RGS11: variants seen among roughly 807,000 people sequenced by gnomAD.
RGS11 encodes regulator of G-protein signaling 11.
A neutral mutation model predicts 71.1 loss-of-function variants in RGS11; 86 were observed. The ratio of observed to expected loss-of-function variants is 1.21; its 90% CI spans 1.02 to 1.45. RGS11 has a LOEUF of 1.45. RGS11 is among the 40% of genes most tolerant of loss of function. The pLI is 0.00. For synonymous variants in RGS11, 298 were observed against 254.2 expected, an observed-to-expected ratio of 1.17 and a Z score of -1.64; for missense variants, 734 against 635.1, an observed-to-expected ratio of 1.16 and a Z score of -1.67.
chr16:273,095 C>T lies in RGS11; in HGVS notation c.589-164G>A, dbSNP rs950545419. Among the ~76,000 whole-genome samples, 27 of 152,122 alleles carry T rather than the reference C, an allele frequency of 1.8e-4. 1 individual carries two copies. On this transcript the variant is annotated intron_variant, in intron 8 of 16. Coordinates refer to ENST00000397770, the MANE Select transcript of RGS11 (RefSeq NM_183337.3). ...CTGTCTCTTCTCTGCTCACCACCTC[C>T]AAATGGCCTGTCCACCGGGCCTCCC...
rs2052159021 is a variant in RGS11, at chr16:275,862, G to T, written c.50C>A (p.Pro17Gln). Residue 17 changes from proline (P) to glutamine (Q), a missense_variant, in exon 1 of 17, where the codon CCG becomes CAG. Physicochemically the swap from Pro to Gln is moderately conservative, Grantham distance 76 (BLOSUM62 -1). Coordinates refer to ENST00000397770, the MANE Select transcript of RGS11 (RefSeq NM_183337.3). ...PPPGRPRAQM[P>Q]HLRKMERVVV... ...CCCGCCTCGCACCTTCCTCAGATGC[G>T]GCATCTGCGCCCGGGGGCGGCCGGG... 2 of 1,052,336 alleles carry T rather than the reference G, an allele frequency of 1.9e-6. No homozygotes were observed. The highest frequency in any genetic ancestry group is 4.2e-4 in the Middle Eastern group (1 of 2,400). 65.2% of individuals were successfully genotyped at this position (1,052,336 alleles called of 1,614,324 possible). A position where few individuals can be genotyped will look rare whatever the true frequency, so the allele number is the denominator to read the frequency against.
intron 8 of RGS11, 73 bp downstream of exon 8, chr16:273,402 G>C: frequency 8.5e-7 from 1 of 1,175,444 alleles, no homozygotes; most frequent in Non-Finnish European, 1.2e-6. Flanking sequence ...GTGGTCCTGA[G>C]AGCGCCTGTC....
rs149143329 is a variant in RGS11, at chr16:273,406, G to T, written c.588+69C>A. On this transcript the variant is annotated intron_variant, in intron 8 of 16. Coordinates refer to ENST00000397770, the MANE Select transcript of RGS11 (RefSeq NM_183337.3). ...GGCTCAAAATGGTGGTCCTGAGAGCGCCTGTCAGGGAAGCACGCTGACCCC... is the reference window on the plus strand; with the variant it reads ...GGCTCAAAATGGTGGTCCTGAGAGCTCCTGTCAGGGAAGCACGCTGACCCC... The T allele has an allele frequency of 7.9e-5, 95 of 1,208,598 alleles. 2 individuals carry two copies. The East Asian group carries it at 2.4e-3, about 31-fold the overall frequency. The allele number at this position is 1,208,598 out of a possible 1,614,324, so 74.9% of individuals were successfully genotyped here.
rs778427375 is a variant in RGS11, at chr16:274,819, T to C, written c.318+157A>G. On this transcript the variant is annotated intron_variant, in intron 4 of 16. Coordinates refer to ENST00000397770, the MANE Select transcript of RGS11 (RefSeq NM_183337.3). ...CATCCGTACTTGCGGTCCAGGACTT[T>C]TGGGGAGGGGGCGATGGACCACCAG... is the stretch of plus-strand genomic sequence containing the variant. 4 of 1,016,412 alleles carry C rather than the reference T, an allele frequency of 3.9e-6. No individual in the cohort carries two copies. The South Asian group carries it at 5.5e-5, about 14-fold the overall frequency. The allele number at this position is 1,016,412 out of a possible 1,614,324, so 63.0% of individuals were successfully genotyped here.
chr16:274,680 CTAG>C, intron 4 of RGS11: 1 of 671,050 alleles, frequency 1.5e-6, no homozygotes, highest in Non-Finnish European at 2.7e-6. Flanking sequence ...GGACCTGGGC[CTAG>C]GGACCCCCAG....
In RGS11 at chr16:275,555, G is replaced by A. The variant is rs535936762; in HGVS notation, c.64-57C>T. The A allele has an allele frequency of 1.4e-3, 1,919 of 1,385,732 alleles. 3 individuals are homozygous for A. The highest frequency in any genetic ancestry group is 1.7e-3 in the Non-Finnish European group (1,719 of 1,018,274). 85.8% of individuals were successfully genotyped at this position (1,385,732 alleles called of 1,614,324 possible). A position where few individuals can be genotyped will look rare whatever the true frequency, so the allele number is the denominator to read the frequency against. On this transcript the variant is annotated intron_variant, in intron 1 of 16. Transcript: ENST00000397770. ...GCCGCCCCGCAACCCTGATTCCCTG[G>A]CACCGGCCGGGATGCCCCGGATCCG...
Position 268,989 on chromosome 16 carries a change from G to C in RGS11, c.*280C>G, listed in dbSNP as rs560916674. 3.3e-6 allele frequency: 5 copies of C among 1,503,502 alleles called. No homozygotes were observed. Among genetic ancestry groups the C allele is most frequent in the South Asian group, 1.2e-5 (1 of 83,000 alleles). 93.1% of individuals were successfully genotyped at this position (1,503,502 alleles called of 1,614,324 possible). A position where few individuals can be genotyped will look rare whatever the true frequency, so the allele number is the denominator to read the frequency against. ...GAAGGTGGAGCTCCCTGTGGCCTTG[G>C]TCTCACCTCTCTTCAGGTAACAGGC... On this transcript the variant is annotated 3_prime_UTR_variant, in exon 17 of 17. Transcript: ENST00000397770.
intron 13 of RGS11, 76 bp downstream of exon 13, chr16:270,908 G>A: frequency 1.3e-6 from 2 of 1,577,784 alleles, no homozygotes; most frequent in South Asian, 1.1e-5. Flanking sequence ...CAGGGAGCTG[G>A]TGGAAACCGA....
chr16:274,748 C>T, intron 4 of RGS11: 1 of 713,698 alleles, frequency 1.4e-6, no homozygotes, highest in Non-Finnish European at 2.5e-6. Flanking sequence ...TGCTGTGGTC[C>T]CCAGGAAAAC....
At position 271,076 on chromosome 16, in the gene RGS11, C is replaced by G; in HGVS notation, c.887G>C (p.Arg296Pro). Residue 296 changes from arginine (R) to proline (P), a missense_variant, in exon 13 of 17, where the codon CGT becomes CCT. Transcript: ENST00000397770. ...GAAGCTGAAGCCCCATCTCTCCACA[C>G]GGAGCTTCGTGGGGGCAGCCACCCT... ...APTVAAPTKLRVERWGFSFRE... is the reference protein window; with the variant it reads ...APTVAAPTKLPVERWGFSFRE... The G allele has an allele frequency of 6.2e-7, 1 of 1,612,298 alleles. No homozygotes were observed. Among genetic ancestry groups the G allele is most frequent in the Non-Finnish European group, 8.5e-7 (1 of 1,179,802 alleles).
At position 274,245 on chromosome 16, in the gene RGS11, A is replaced by T. The variant is rs772964180; in HGVS notation, c.339T>A (p.Ser113Arg). Residue 113 changes from serine (S) to arginine (R), a missense_variant, in exon 5 of 17, where the codon AGT becomes AGA. Ser to Arg is a moderately radical substitution (Grantham distance 110). Transcript: ENST00000397770. ...CCAGCTCTGCAGCCGGCCTCAGGGT[A>T]CTTGTCCAGAAGTACGGGGTCTGGC... ...YRFQTPYFWT[S>R]TLRPAAELDY... 4.3e-6 allele frequency: 7 copies of T among 1,611,120 alleles called. No individual in the cohort carries two copies. The African/African-American group carries it at 9.3e-5, about 22-fold the overall frequency.
intron 2 of RGS11, 33 bp from the exon 3 acceptor site, chr16:275,366 G>T: frequency 1.2e-6 from 2 of 1,610,976 alleles, no homozygotes; most frequent in Non-Finnish European, 8.5e-7. Flanking sequence ...GAGGGAGGCC[G>T]AGGCGCGCAC....
intron 9 of RGS11, chr16:272,255 T>TG (rs2141413752): frequency 8.2e-7 from 1 of 1,212,300 alleles, no homozygotes; most frequent in African/African-American, 1.6e-5. Flanking sequence ...GGCACCTCGC[T>TG]GGGGCCAGAG....
At chr16:274,610 C>A in intron 4 of RGS11, 1 of 608,966 alleles carries the variant, frequency 1.6e-6, no homozygotes, top group Non-Finnish European at 3.0e-6. Flanking sequence ...CGGCCCGGGA[C>A]CCTGATGTGG....
In RGS11 at chr16:271,055, C is replaced by T. The variant is rs750425650; in HGVS notation, c.908G>A (p.Ser303Asn). 2 of 1,612,526 alleles carry T rather than the reference C, an allele frequency of 1.2e-6. No individual in the cohort carries two copies. The highest frequency in any genetic ancestry group is 1.1e-5 in the South Asian group (1 of 91,064). The stretch of plus-strand genomic sequence containing the variant: ...GGGGTCCTCCAGGAGCTCCCGGAAG[C>T]TGAAGCCCCATCTCTCCACACGGAG... ...TKLRVERWGFSFRELLEDPVG... is the reference protein window; with the variant it reads ...TKLRVERWGFNFRELLEDPVG... The change falls in exon 13 of 17, where the codon AGC (serine) becomes AAC (asparagine). Residue 303 changes from serine (S) to asparagine (N), a missense_variant. Transcript: ENST00000397770.
In RGS11 at chr16:271,416, G is replaced by A. The variant is rs768537401; in HGVS notation, c.732C>T (p.Ser244=). The change falls in exon 11 of 17, where the codon TCC becomes TCT. Residue 244 remains serine, a synonymous_variant. Coordinates refer to ENST00000397770, the MANE Select transcript of RGS11 (RefSeq NM_183337.3). ...CCACTCACGCCTCAAGGCAGACGGAGGACTTCACTCGGGTCCTGCCCAGCG... is the reference window on the plus strand; with the variant it reads ...CCACTCACGCCTCAAGGCAGACGGAAGACTTCACTCGGGTCCTGCCCAGCG... ...RKALGRTRVK[S]SVCLEAYLSF... is the part of the protein sequence containing the mutation. 1.9e-6 allele frequency: 3 copies of A among 1,613,764 alleles called. No homozygotes were observed. Among genetic ancestry groups the A allele is most frequent in the Non-Finnish European group, 2.5e-6 (3 of 1,180,006 alleles).
rs768903472 is a variant in RGS11 at position 275,265 on chromosome 16, GGGAGGCAGGGCGCTCAC to G, written c.211+1_211+17del. 10 of 1,612,310 alleles carry G rather than the reference GGGAGGCAGGGCGCTCAC, an allele frequency of 6.2e-6. No individual in the cohort carries two copies. The highest frequency in any genetic ancestry group is 8.5e-6 in the Non-Finnish European group (10 of 1,179,722). On this transcript the variant is annotated splice_donor_variant and splice_donor_5th_base_variant and intron_variant, in intron 3 of 16. Transcript: ENST00000397770. LOFTEE classifies it high-confidence loss of function. Reference sequence around the variant, plus strand: ...CAGCCCAGTGACCCCAGGGCCCAGTGGGAGGCAGGGCGCTCACCCTCCTCCGAGACGCAGAACTTCTG... The same window carrying G: ...CAGCCCAGTGACCCCAGGGCCCAGTGCCTCCTCCGAGACGCAGAACTTCTG...
chr16:274,391 C>A, intron 4 of RGS11, 126 bp from the exon 5 acceptor site: 1 of 981,620 alleles, frequency 1.0e-6, no homozygotes, highest in Non-Finnish European at 1.5e-6. Flanking sequence ...ATCTCCCTGC[C>A]TGCCCACCAC....
intron 5 of RGS11, 27 bp downstream of exon 5, chr16:274,187 T>G (rs1454558506): frequency 1.2e-6 from 2 of 1,602,840 alleles, no homozygotes; most frequent in African/African-American, 2.7e-5. Context: ...TGGGAACTTG[T>G]CTGGGGCCAG....
Sources: allele counts gnomAD v4.1 joint callset (sites outside exome capture counted in the v4.1 genomes callset), GRCh38; gene constraint gnomAD v4.1.1; transcripts MANE v1.5; gene names NCBI Gene and HGNC (gene_info 2026-07-23, HGNC 2026-07-21).